SLC9A3: variants seen among roughly 807,000 people sequenced by gnomAD.
The protein encoded by SLC9A3 is sodium/hydrogen exchanger 3.
Under a neutral mutation model 86.8 loss-of-function variants are expected in SLC9A3, and 37 were observed. The observed-to-expected ratio is 0.43, with a 90% CI of 0.33 to 0.56. The LOEUF (loss-of-function observed/expected upper bound fraction) is 0.56, where lower values mean the gene tolerates loss of function less well. Ranked by LOEUF, SLC9A3 falls within the 20% of genes least tolerant of loss-of-function variation. SLC9A3 has a pLI of 0.06. For synonymous variants in SLC9A3, 581 were observed against 528.3 expected (o/e 1.10, Z -1.37); for missense variants, 1,011 against 1,171.9 (o/e 0.86, Z 2.00).
chr5:501,883 T>A (rs1311288755), intron 1 of SLC9A3, among the ~76,000 whole-genome samples: 5 of 151,898 alleles, frequency 3.3e-5, no homozygotes, highest in African/African-American at 1.2e-4. Context: ...AGTACTCAGG[T>A]TGGCGTGGGA....
intron 1 of SLC9A3, among the ~76,000 whole-genome samples, chr5:509,505 A>C: frequency 5.0e-5 from 2 of 40,390 alleles, no homozygotes; most frequent in East Asian, 6.8e-4. Flanking sequence ...GAAGGAAGGA[A>C]GGGAGGGAGG....
chr5:489,427 G>T (rs893519237), intron 2 of SLC9A3, among the ~76,000 whole-genome samples: 4 of 152,162 alleles, frequency 2.6e-5, no homozygotes, highest in Non-Finnish European at 2.9e-5. Flanking sequence ...CTGAGGAGGG[G>T]TTTGTCCCTG....
chr5:482,269 T>A, intron 7 of SLC9A3, 112 bp from the exon 8 acceptor site: 1 of 818,756 alleles, frequency 1.2e-6, no homozygotes, highest in Non-Finnish European at 2.0e-6. Flanking sequence ...GCGCCCTCCC[T>A]GCTCTCCGGG....
chr5:499,659 C>T (rs1187711648), intron 1 of SLC9A3, among the ~76,000 whole-genome samples: 4 of 152,370 alleles, frequency 2.6e-5, no homozygotes, highest in Non-Finnish European at 5.9e-5. Context: ...ATGCCGTCTG[C>T]AGCTCCCTCT....
In SLC9A3 at chr5:477,267, CTG is replaced by C. The variant is rs1738807727; in HGVS notation, c.1760+63_1760+64del. ...AGGCCAGGAGCCACCACAGCCCTGT[CTG>C]TGACTCTCAGCTCCCGAGGCTGGGC... is the stretch of plus-strand genomic sequence containing the variant. On this transcript the variant is annotated intron_variant, in intron 11 of 16. Transcript: ENST00000264938. 3.3e-6 allele frequency: 4 copies of C among 1,195,090 alleles called. No homozygotes were observed. The Admixed American group carries it at 8.2e-5, about 25-fold the overall frequency. 74.0% of individuals were successfully genotyped at this position (1,195,090 alleles called of 1,614,324 possible). A position where few individuals can be genotyped will look rare whatever the true frequency, so the allele number is the denominator to read the frequency against.
intron 1 of SLC9A3, among the ~76,000 whole-genome samples, chr5:499,597 C>T (rs1473954405): frequency 6.6e-6 from 1 of 152,242 alleles, no homozygotes; most frequent in Non-Finnish European, 1.5e-5. Flanking sequence ...GCTGGGCCGT[C>T]CTTCCTTCCT....
intron 2 of SLC9A3, among the ~76,000 whole-genome samples, chr5:490,927 C>A (rs138191265): frequency 6.6e-6 from 1 of 152,188 alleles, no homozygotes; most frequent in Non-Finnish European, 1.5e-5. Context: ...TGAGGCGGCC[C>A]CAACCCGGGA....
chr5:499,704 C>T (rs1366253500), intron 1 of SLC9A3, among the ~76,000 whole-genome samples: 1 of 152,240 alleles, frequency 6.6e-6, no homozygotes, highest in Non-Finnish European at 1.5e-5. Context: ...TCCCTGGGGA[C>T]ACGTGGGCCC....
rs376008061 is a variant in SLC9A3, at chr5:485,199, C to T, written c.708G>A (p.Ala236=). 147 of 1,613,834 alleles carry T rather than the reference C, an allele frequency of 9.1e-5. No homozygotes were observed. Among genetic ancestry groups the T allele is most frequent in the Non-Finnish European group, 9.7e-5 (114 of 1,180,014 alleles). ...CGCCAGTCACGTTGTCACCTCCCAG[C>T]GCCACGAAAGATTCAAACACATTGT... ...VLYNVFESFV[A]LGGDNVTGVD... Residue 236 remains alanine (A), a synonymous_variant, in exon 4 of 17, where the codon GCG becomes GCA. Coordinates refer to ENST00000264938, the MANE Select transcript of SLC9A3 (RefSeq NM_004174.4).
At chr5:495,442 G>A (rs1275748251) in intron 1 of SLC9A3, among the ~76,000 whole-genome samples, 2 of 76,610 alleles carry the variant, frequency 2.6e-5, no homozygotes, top group South Asian at 5.9e-4. Flanking sequence ...CCCTCCCCAC[G>A]CTCCACTCCC....
rs1258568298 is a variant in SLC9A3 at position 497,198 on chromosome 5, T to C, written c.212-5127A>G. Among the ~76,000 whole-genome samples the C allele has an allele frequency of 6.6e-6, 1 of 152,192 alleles. No homozygotes were observed. Among genetic ancestry groups the C allele is most frequent in the Non-Finnish European group, 1.5e-5 (1 of 68,030 alleles). ...CCCCGAGCCTGGAAGTGGATCTGGG[T>C]GGCACTGGTGGGTGCTCCCGGTGCC... On this transcript the variant is annotated intron_variant, in intron 1 of 16. Transcript: ENST00000264938. This position sits in a 1 kb window ranked among gnomAD's most constrained non-coding sequence, Gnocchi z 5.4.
intron 1 of SLC9A3, among the ~76,000 whole-genome samples, chr5:502,796 G>A (rs1056136523): frequency 5.9e-5 from 9 of 151,762 alleles, no homozygotes; most frequent in Admixed American, 4.6e-4. Flanking sequence ...TACCAGTGAG[G>A]CCGAAAGCCG....
intron 1 of SLC9A3, among the ~76,000 whole-genome samples, chr5:499,628 C>G (rs1378524139): frequency 5.3e-5 from 8 of 152,256 alleles, no homozygotes; most frequent in Non-Finnish European, 1.2e-4. Flanking sequence ...TCCGCCATCT[C>G]CAGACACCGC....
chr5:511,604 C>T (rs907640084), intron 1 of SLC9A3, among the ~76,000 whole-genome samples: 12 of 152,372 alleles, frequency 7.9e-5, no homozygotes, highest in African/African-American at 2.4e-4. Context: ...ACCACGTACC[C>T]GTCAGCGTGG....
rs574384817 is a variant in SLC9A3, at chr5:472,685, T to G, written c.*694A>C. 5.8e-6 allele frequency: 3 copies of G among 517,032 alleles called. No homozygotes were observed. Among genetic ancestry groups the G allele is most frequent in the African/African-American group, 5.8e-5 (3 of 51,792 alleles). 32.0% of individuals were successfully genotyped at this position (517,032 alleles called of 1,614,324 possible). ...GACGTTCCTGCCACTTTACCTGCAG[T>G]TCAAAGACCTGGCGAGGGCCTGGAA... On this transcript the variant is annotated 3_prime_UTR_variant, in exon 17 of 17. Coordinates refer to ENST00000264938, the MANE Select transcript of SLC9A3 (RefSeq NM_004174.4).
chr5:519,908 C>T lies in SLC9A3; in HGVS notation c.211+4204G>A, dbSNP rs992710717. Reference sequence around the variant, plus strand: ...CCCTAGCGTCCTCCTGACCCTCCTACGGCTGCGCGAGGCACTGCAGACTCC... The same window carrying T: ...CCCTAGCGTCCTCCTGACCCTCCTATGGCTGCGCGAGGCACTGCAGACTCC... On this transcript the variant is annotated intron_variant, in intron 1 of 16. Transcript: ENST00000264938. Among the ~76,000 whole-genome samples the T allele has an allele frequency of 6.6e-5, 10 of 152,200 alleles. No individual in the cohort carries two copies. In the East Asian group the frequency reaches 7.7e-4, roughly 12 times the overall value.
At chr5:512,076 G>C (rs898905887) in intron 1 of SLC9A3, among the ~76,000 whole-genome samples, 1 of 152,238 alleles carries the variant, frequency 6.6e-6, no homozygotes, top group Non-Finnish European at 1.5e-5. Context: ...GGAGACAGTA[G>C]AAAGATCAGT....
intron 1 of SLC9A3, among the ~76,000 whole-genome samples, chr5:499,959 G>C (rs752878675): frequency 6.6e-6 from 1 of 152,220 alleles, no homozygotes; most frequent in African/African-American, 2.4e-5. Flanking sequence ...CCTGGGCCCC[G>C]TCGGAGCCAC....
chr5:504,598 C>A (rs988863709), intron 1 of SLC9A3, among the ~76,000 whole-genome samples: 3 of 151,484 alleles, frequency 2.0e-5, no homozygotes, highest in East Asian at 3.9e-4. Context: ...CCTCCTGTCA[C>A]CCCCGGGTGA....
Sources: gnomAD v4.1 joint callset for allele counts (sites outside exome capture counted in the v4.1 genomes callset) on GRCh38, gnomAD v4.1.1 for gene constraint, Gnocchi (gnomAD v3.1) non-coding constraint, MANE v1.5 for transcripts, NCBI Gene and HGNC (gene_info 2026-07-23, HGNC 2026-07-21) for gene names.